ARID1B: variants seen among roughly 807,000 people sequenced by gnomAD.
ARID1B encodes AT-rich interactive domain-containing protein 1B.
In ARID1B, 30 loss-of-function variants were observed where a neutral mutation model predicts 212.3. The ratio of observed to expected loss-of-function variants is 0.14; its 90% CI spans 0.11 to 0.19. The LOEUF is 0.19. Ranked by LOEUF, ARID1B falls within the 10% of genes least tolerant of loss-of-function variation. The pLI, the probability that ARID1B is intolerant of heterozygous loss-of-function variation, is 1.00. For synonymous variants in ARID1B, 1,402 were observed against 1,301.7 expected (o/e 1.08, Z -1.66); for missense variants, 2,891 against 3,204.0 (o/e 0.90, Z 2.36).
At chr6:157,119,982 T>C (rs1467362638) in intron 6 of ARID1B, among the ~76,000 whole-genome samples, 3 of 152,224 alleles carry the variant, frequency 2.0e-5, no homozygotes, top group Non-Finnish European at 4.4e-5. Context: ...ATGGATATAT[T>C]GCACAATTCA....
intron 4 of ARID1B, among the ~76,000 whole-genome samples, chr6:157,044,196 A>G (rs1782073352): frequency 6.6e-6 from 1 of 152,240 alleles, no homozygotes; most frequent in African/African-American, 2.4e-5. Flanking sequence ...TGACCTAAGG[A>G]AATTATAAAT....
chr6:156,820,902 C>T (rs146846504), intron 1 of ARID1B, among the ~76,000 whole-genome samples: 60 of 152,266 alleles, frequency 3.9e-4, no homozygotes, highest in African/African-American at 1.4e-3. Flanking sequence ...GGTTTCTGTA[C>T]GGATCTGCTT....
At chr6:157,157,817 G>A (rs565890520) in intron 8 of ARID1B, among the ~76,000 whole-genome samples, 1 of 152,312 alleles carries the variant, frequency 6.6e-6, no homozygotes, top group South Asian at 2.1e-4. Flanking sequence ...GAGGCCAGGA[G>A]TTCACAAGCA....
intron 4 of ARID1B, among the ~76,000 whole-genome samples, chr6:157,032,089 G>T (rs749139716): frequency 2.0e-5 from 3 of 152,172 alleles, no homozygotes; most frequent in Non-Finnish European, 2.9e-5. Context: ...GAGCCACCAC[G>T]CCCGGCCCAA....
At chr6:156,935,662 T>C in intron 4 of ARID1B, 86 bp downstream of exon 4, 1 of 1,215,844 alleles carries the variant, frequency 8.2e-7, no homozygotes, top group Non-Finnish European at 1.2e-6. Flanking sequence ...CTACTTTATA[T>C]TATGACATGA....
chr6:156,777,718 C>T lies in ARID1B; in HGVS notation c.38C>T (p.Ala13Val). 1 of 162,712 alleles carries T rather than the reference C, an allele frequency of 6.1e-6. No individual in the cohort carries two copies. Among genetic ancestry groups the T allele is most frequent in the Non-Finnish European group, 1.2e-5 (1 of 81,626 alleles). 10.1% of individuals were successfully genotyped at this position (162,712 alleles called of 1,614,324 possible). The change falls in exon 1 of 20, where the codon GCG becomes GTG. Residue 13 changes from alanine to valine, a missense_variant. Around this residue, in one of 7 missense-constraint regions of ARID1B, gnomAD observed 1,643 missense variants for 1,544.0 expected, o/e 1.06. Transcript: ENST00000636930. Reference sequence around the variant, plus strand: ...GCAGCAGCGGCGGCGGCGGCGGCGGCGGCGCGGGCGCGGGCGCGGGCAGGC... The same window carrying T: ...GCAGCAGCGGCGGCGGCGGCGGCGGTGGCGCGGGCGCGGGCGCGGGCAGGC... ...ARAAAAAAAA[A>V]ARARARAGSG...
At chr6:156,981,097 G>A (rs1366551971) in intron 4 of ARID1B, among the ~76,000 whole-genome samples, 1 of 152,272 alleles carries the variant, frequency 6.6e-6, no homozygotes, top group South Asian at 2.1e-4. Flanking sequence ...GAGACTTGTA[G>A]CCACTGTCCT....
chr6:156,957,051 G>A (rs1028307727), intron 4 of ARID1B, among the ~76,000 whole-genome samples: 5 of 152,152 alleles, frequency 3.3e-5, no homozygotes, highest in Admixed American at 1.3e-4. Flanking sequence ...TTCTGAGCTG[G>A]CATTTAAAAT....
chr6:157,073,759 C>CT (rs1406125027), intron 4 of ARID1B, among the ~76,000 whole-genome samples: 1 of 152,204 alleles, frequency 6.6e-6, no homozygotes, highest in Non-Finnish European at 1.5e-5. Context: ...ACAATTCCTG[C>CT]TGGAGGAGTT....
chr6:156,957,413 C>G (rs1159099922), intron 4 of ARID1B, among the ~76,000 whole-genome samples: 1 of 152,164 alleles, frequency 6.6e-6, no homozygotes, highest in Non-Finnish European at 1.5e-5. Flanking sequence ...GGCACAGACT[C>G]AAGGTCAAGC....
In ARID1B at chr6:156,778,681, G is replaced by A. The variant is rs2114982349; in HGVS notation, c.1001G>A (p.Cys334Tyr). ...SGGPGGRAGP[C>Y]FDQHGGQQSP... ...GGCCCCGGCGGCCGCGCTGGGCCTT[G>A]CTTTGATCAACATGGCGGACAACAA... The change falls in exon 1 of 20, where the codon TGC becomes TAC. Residue 334 changes from cysteine to tyrosine, a missense_variant. Cys to Tyr is a radical substitution (Grantham distance 194, BLOSUM62 -2). Transcript: ENST00000636930. The A allele has an allele frequency of 6.6e-7, 1 of 1,516,130 alleles. No homozygotes were observed. Among genetic ancestry groups the A allele is most frequent in the East Asian group, 2.7e-5 (1 of 37,506 alleles). 93.9% of individuals were successfully genotyped at this position (1,516,130 alleles called of 1,614,324 possible). A position where few individuals can be genotyped will look rare whatever the true frequency, so the allele number is the denominator to read the frequency against.
intron 7 of ARID1B, among the ~76,000 whole-genome samples, chr6:157,147,225 TCACCTCCGACCCTGCCGTCCGTCCCC>T (rs1562301856): frequency 0.12 from 41 of 332 alleles, no homozygotes; most frequent in South Asian, 0.29. Context: ...CCTCCGTCCC[TCACCTCCGACCCTGCCGTCCGTCCCC>T]CACCCCAGCC....
At chr6:156,782,116 C>A (rs1235597834) in intron 1 of ARID1B, among the ~76,000 whole-genome samples, 1 of 144,758 alleles carries the variant, frequency 6.9e-6, no homozygotes, top group East Asian at 2.0e-4. Context: ...TTTTTCTTTT[C>A]TTTTTGGAAG....
chr6:157,122,879 AC>A (rs951206399), intron 6 of ARID1B, among the ~76,000 whole-genome samples: 2 of 152,008 alleles, frequency 1.3e-5, no homozygotes, highest in Admixed American at 1.3e-4. Flanking sequence ...ACCGGGTTTC[AC>A]CATGTTGGCC....
intron 6 of ARID1B, among the ~76,000 whole-genome samples, chr6:157,122,179 A>G (rs1787768036): frequency 6.6e-6 from 1 of 152,096 alleles, no homozygotes. Flanking sequence ...AATTGATAGA[A>G]GAAAAATGTC....
rs768906544 is a variant in ARID1B, at chr6:157,207,699, C to A, written c.6927C>A (p.Pro2309=). ...ACCTCATGCACATGCAGCCCCCGCC[C>A]CTGGAACCACCTAGCGTAGACATGA... is the stretch of plus-strand genomic sequence containing the variant. ...QHNLMHMQPP[P]LEPPSVDMMC... Residue 2309 remains proline (P), a synonymous_variant, in exon 20 of 20, where the codon CCC becomes CCA. Transcript: ENST00000636930. The surrounding 1 kb of genome is among the most constrained non-coding windows in gnomAD (Gnocchi z 8.5). The A allele has an allele frequency of 3.1e-6, 5 of 1,608,158 alleles. No homozygotes were observed. In the African/African-American group the frequency reaches 6.7e-5, roughly 21 times the overall value.
At chr6:157,140,549 C>G (rs1307450103) in intron 7 of ARID1B, 1 of 398,414 alleles carries the variant, frequency 2.5e-6, no homozygotes, top group East Asian at 3.6e-5. Flanking sequence ...ACCATAGTTA[C>G]TATATTTTTT....
intron 1 of ARID1B, among the ~76,000 whole-genome samples, chr6:156,802,550 AT>A (rs1780863848): frequency 1.3e-5 from 2 of 152,218 alleles, no homozygotes; most frequent in African/African-American, 4.8e-5. Flanking sequence ...AGGACTTCAA[AT>A]TTTTGACTGT....
intron 9 of ARID1B, chr6:157,172,662 A>G (rs1791798288): frequency 6.6e-6 from 1 of 152,258 alleles, no homozygotes; most frequent in African/African-American, 2.4e-5. Flanking sequence ...TTAGCACCAC[A>G]AAGCTTGCCA....
Sources: allele counts gnomAD v4.1 joint callset (sites outside exome capture counted in the v4.1 genomes callset), GRCh38; gene constraint gnomAD v4.1.1; regional missense constraint gnomAD v4.1.1; non-coding constraint Gnocchi (gnomAD v3.1); transcripts MANE v1.5; gene names NCBI Gene and HGNC (gene_info 2026-07-23, HGNC 2026-07-21).